The following SV2B variants were observed in gnomAD, a reference collection of about 807,000 sequenced individuals.
SV2B encodes solute carrier family 22 member B2.
In SV2B, 41 loss-of-function variants were observed where a neutral mutation model predicts 73.9. That is an observed-to-expected ratio of 0.56 (90% CI 0.43 to 0.72). The LOEUF (loss-of-function observed/expected upper bound fraction) is 0.72, where lower values mean the gene tolerates loss of function less well. SV2B is among the 30% of genes least tolerant of loss of function. The pLI is 0.00. For missense variants in SV2B, 764 were observed against 857.8 expected, an observed-to-expected ratio of 0.89 and a Z score of 1.37; for synonymous variants, 314 against 314.2, an observed-to-expected ratio of 1.00 and a Z score of 0.01.
At chr15:91,147,587 G>T (rs577173117) in intron 1 of SV2B, among the ~76,000 whole-genome samples, 1 of 152,248 alleles carries the variant, frequency 6.6e-6, no homozygotes, top group South Asian at 2.1e-4. Context: ...AAGGCACTCA[G>T]TCCATCCCTA....
intron 9 of SV2B, among the ~76,000 whole-genome samples, chr15:91,273,761 A>G (rs1156637662): frequency 6.6e-6 from 1 of 152,174 alleles, no homozygotes; most frequent in Non-Finnish European, 1.5e-5. Flanking sequence ...TTTACTCCAG[A>G]TGTCAAAATT....
intron 11 of SV2B, among the ~76,000 whole-genome samples, chr15:91,286,739 G>T (rs1429269216): frequency 2.0e-5 from 3 of 152,182 alleles, no homozygotes; most frequent in Non-Finnish European, 4.4e-5. Flanking sequence ...GATGGGGACA[G>T]TGAGACAGCT....
At chr15:91,208,626 C>A (rs1401972685) in intron 1 of SV2B, among the ~76,000 whole-genome samples, 1 of 152,224 alleles carries the variant, frequency 6.6e-6, no homozygotes, top group African/African-American at 2.4e-5. Flanking sequence ...AGTCTAGTAG[C>A]TATTGAAGAG....
At chr15:91,116,182 A>G (rs2042173587) in intron 1 of SV2B, among the ~76,000 whole-genome samples, 2 of 152,198 alleles carry the variant, frequency 1.3e-5, no homozygotes, top group East Asian at 3.8e-4. Context: ...TGCATAGGAC[A>G]TCTTGGAAGT....
chr15:91,158,633 CCTCTTCTCTT>C (rs368190783), intron 1 of SV2B, among the ~76,000 whole-genome samples: 820 of 54,394 alleles, frequency 0.015, 29 homozygotes, highest in South Asian at 0.039. Flanking sequence ...TTTTATTTTC[CCTCTTCTCTT>C]CTCTTCTCTT....
At chr15:91,163,312 A>G (rs895930744) in intron 1 of SV2B, among the ~76,000 whole-genome samples, 5 of 152,260 alleles carry the variant, frequency 3.3e-5, no homozygotes, top group Admixed American at 2.6e-4. Flanking sequence ...TGGTATTTCT[A>G]GTTCTAGATC....
intron 1 of SV2B, among the ~76,000 whole-genome samples, chr15:91,116,853 G>C (rs183660754): frequency 7.9e-5 from 12 of 152,332 alleles, no homozygotes; most frequent in Non-Finnish European, 1.6e-4. Context: ...AAGGGCAAAG[G>C]CATGTCTTAC....
chr15:91,178,968 C>A (rs2044439840), intron 1 of SV2B, among the ~76,000 whole-genome samples: 2 of 151,526 alleles, frequency 1.3e-5, no homozygotes, highest in South Asian at 2.1e-4. Flanking sequence ...TTTTCTGGTT[C>A]TTTTAATTGT....
intron 6 of SV2B, among the ~76,000 whole-genome samples, chr15:91,263,064 G>A (rs1037772882): frequency 6.6e-6 from 1 of 151,484 alleles, no homozygotes; most frequent in African/African-American, 2.5e-5. Flanking sequence ...CCTGAAACAC[G>A]GGCATACACA....
chr15:91,201,495 G>A (rs2045459036), intron 1 of SV2B, among the ~76,000 whole-genome samples: 2 of 152,166 alleles, frequency 1.3e-5, no homozygotes, highest in Admixed American at 1.3e-4. Flanking sequence ...TGGGTAGCCT[G>A]GCTGTAGAAT....
At chr15:91,198,413 T>C (rs547199288) in intron 1 of SV2B, among the ~76,000 whole-genome samples, 6 of 152,000 alleles carry the variant, frequency 3.9e-5, no homozygotes, top group Admixed American at 1.3e-4. Flanking sequence ...TTGCTTTTTC[T>C]TCTCAGTGAC....
At chr15:91,238,502 G>T (rs912730540) in intron 2 of SV2B, among the ~76,000 whole-genome samples, 9 of 152,194 alleles carry the variant, frequency 5.9e-5, no homozygotes, top group African/African-American at 2.2e-4. Context: ...ACTTTTCCAG[G>T]TGCGCATTAC....
rs56915651 is a variant in SV2B at position 91,262,949 on chromosome 15, C to T, written c.1008+2540C>T. On this transcript the variant is annotated intron_variant, in intron 6 of 12. Transcript: ENST00000394232. ...GCCAGAGGAAGTCTAAGCTTCTCTC[C>T]GAGCTGCTGCTTATTTCTGGAAGAT... is the stretch of plus-strand genomic sequence containing the variant. Among the ~76,000 whole-genome samples, 962 of 152,282 alleles carry T rather than the reference C, an allele frequency of 6.3e-3. 12 individuals carry two copies. Among genetic ancestry groups the T allele is most frequent in the African/African-American group, 0.022 (919 of 41,546 alleles).
At chr15:91,125,195 A>G (rs138857294) in intron 1 of SV2B, among the ~76,000 whole-genome samples, 5 of 152,318 alleles carry the variant, frequency 3.3e-5, no homozygotes, top group African/African-American at 1.2e-4. Flanking sequence ...TTGTAACATA[A>G]TTAACTCTTT....
At chr15:91,104,540 T>C (rs1426685116) in intron 1 of SV2B, among the ~76,000 whole-genome samples, 1 of 152,208 alleles carries the variant, frequency 6.6e-6, no homozygotes, top group Admixed American at 6.5e-5. Flanking sequence ...AGGAGCTACA[T>C]AGTCACATTG....
At chr15:91,176,026 C>G (rs1289516332) in intron 1 of SV2B, among the ~76,000 whole-genome samples, 2 of 151,926 alleles carry the variant, frequency 1.3e-5, no homozygotes, top group South Asian at 4.2e-4. Context: ...TCTCCTAATG[C>G]TATCCCTCCC....
chr15:91,291,618 G>C (rs1328094086), intron 12 of SV2B, among the ~76,000 whole-genome samples: 1 of 152,210 alleles, frequency 6.6e-6, no homozygotes, highest in African/African-American at 2.4e-5. Context: ...TCAGGTAACT[G>C]TGGTCTTAAG....
At chr15:91,172,484 T>C (rs1036022748) in intron 1 of SV2B, among the ~76,000 whole-genome samples, 1 of 152,190 alleles carries the variant, frequency 6.6e-6, no homozygotes, top group Non-Finnish European at 1.5e-5. Flanking sequence ...GGTCCCACCA[T>C]GTCTTCTTCT....
chr15:91,150,935 C>T (rs1436950885), intron 1 of SV2B, among the ~76,000 whole-genome samples: 6 of 152,160 alleles, frequency 3.9e-5, no homozygotes, highest in Admixed American at 6.5e-5. Flanking sequence ...GCTAGACTTT[C>T]CTCCCCTTGC....
Sources: allele counts gnomAD v4.1 joint callset (sites outside exome capture counted in the v4.1 genomes callset), GRCh38; gene constraint gnomAD v4.1.1; transcripts MANE v1.5; gene names NCBI Gene and HGNC (gene_info 2026-07-23, HGNC 2026-07-21).